Variants in CENPI observed in about 807,000 individuals in gnomAD.
The protein encoded by CENPI is centromere protein I.
In CENPI, 4 loss-of-function variants were observed where a neutral mutation model predicts 60.4. The observed-to-expected ratio is 0.07, with a 90% confidence interval of 0.03 to 0.15. The LOEUF (loss-of-function observed/expected upper bound fraction) is 0.15. Ranked by LOEUF, CENPI falls within the 10% of genes least tolerant of loss-of-function variation. The pLI is 1.00. For synonymous variants in CENPI, 157 were observed against 189.4 expected, an observed-to-expected ratio of 0.83 and a Z score of 1.40; for missense variants, 444 against 534.5, an observed-to-expected ratio of 0.83 and a Z score of 1.67.
At chrX:101,120,275 T>C in intron 6 of CENPI, 127 bp from the exon 7 acceptor site, 1 of 364,084 alleles carries the variant, frequency 2.7e-6, no homozygotes, top group Admixed American at 5.3e-5. Context: ...TTTGTAAAAC[T>C]ATTGTTCAGT....
Position 101,101,238 on chromosome X carries a change from T to C in CENPI, c.168T>C (p.His56=), listed in dbSNP as rs1377930921. ...ACAATCCAGTGGGAGATTATGAACATGCTGATGATCAAGCTGAAGAAGATG... is the reference window on the plus strand; with the variant it reads ...ACAATCCAGTGGGAGATTATGAACACGCTGATGATCAAGCTGAAGAAGATG... The part of the protein sequence containing the change: ...GQNNPVGDYE[H]ADDQAEEDAL... The change falls in exon 3 of 22, where the codon CAT becomes CAC. Residue 56 remains histidine, a synonymous_variant. Coordinates refer to ENST00000682095, the MANE Select transcript of CENPI (RefSeq NM_001386188.2). 2.5e-6 allele frequency: 3 copies of C among 1,208,520 alleles called. No individual in the cohort carries two copies. The highest frequency in any genetic ancestry group is 3.5e-5 in the African/African-American group (2 of 57,177).
Position 101,137,762 on chromosome X carries a change from G to A in CENPI, c.1471-2904G>A, listed in dbSNP as rs139257580. On this transcript the variant is annotated intron_variant, in intron 15 of 21. Transcript: ENST00000682095. The stretch of plus-strand genomic sequence containing the variant: ...TTTGAAGGATTGTTACATGAAAGGA[G>A]ATCTCTGTGTGGCTTCAAGAAACAG... Among the ~76,000 whole-genome samples the A allele has an allele frequency of 2.6e-3, 279 of 105,756 alleles. 1 individual carries two copies. Among genetic ancestry groups the A allele is most frequent in the African/African-American group, 9.2e-3 (268 of 28,982 alleles). 91.8% of individuals were successfully genotyped at this position (105,756 alleles called of 115,157 possible).
chrX:101,167,838 A>G (rs2090148116), downstream of CENPI, among the ~76,000 whole-genome samples: 1 of 112,234 alleles, frequency 8.9e-6, no homozygotes, highest in Admixed American at 9.5e-5. Flanking sequence ...CAGAAGAGCT[A>G]TTGTTATGGA....
At chrX:101,101,346 T>C (rs774067057) in intron 3 of CENPI, 50 bp downstream of exon 3, 2 of 910,966 alleles carry the variant, frequency 2.2e-6, no homozygotes, top group Non-Finnish European at 3.1e-6. Flanking sequence ...GTAAAAATAT[T>C]CTAGTCTTTT....
chrX:101,180,967 AT>A, the CENPI span, among the ~76,000 whole-genome samples: 1 of 111,467 alleles, frequency 9.0e-6, no homozygotes, highest in Non-Finnish European at 1.9e-5. Flanking sequence ...GATCAAGCTA[AT>A]TTTTAATATG....
the CENPI span, among the ~76,000 whole-genome samples, chrX:101,178,199 G>T: frequency 1.8e-5 from 2 of 110,577 alleles, no homozygotes; most frequent in Admixed American, 1.9e-4. Flanking sequence ...GTAGCAGGCT[G>T]CTTCGCATCC....
At chrX:101,101,444 G>A in intron 3 of CENPI, 148 bp downstream of exon 3, 1 of 448,544 alleles carries the variant, frequency 2.2e-6, no homozygotes, top group East Asian at 3.7e-5. Context: ...CTATATATCA[G>A]TATGCTAGGC....
intron 6 of CENPI, among the ~76,000 whole-genome samples, chrX:101,110,219 G>T (rs1465202630): frequency 8.9e-6 from 1 of 112,156 alleles, no homozygotes; most frequent in African/African-American, 3.2e-5. Flanking sequence ...TTAACAAATA[G>T]AAAATTTTTA....
At chrX:101,120,589 C>A in intron 7 of CENPI, 139 bp downstream of exon 7, 2 of 616,466 alleles carry the variant, frequency 3.2e-6, no homozygotes, top group Non-Finnish European at 5.2e-6. Context: ...ACTTTAAGAG[C>A]ATCTGCTTAA....
chrX:101,155,236 C>T (rs1284749754), intron 20 of CENPI, among the ~76,000 whole-genome samples: 1 of 111,442 alleles, frequency 9.0e-6, no homozygotes, highest in Non-Finnish European at 1.9e-5. Context: ...CTTGCCCAGG[C>T]TGGAGTGCAG....
At chrX:101,166,863 G>A (rs928152231), downstream of CENPI, among the ~76,000 whole-genome samples, 3 of 112,014 alleles carry the variant, frequency 2.7e-5, no homozygotes, top group Admixed American at 9.5e-5. Context: ...TGGTTCAAGC[G>A]ATTCTCCTGC....
chrX:101,180,818 G>C, the CENPI span, among the ~76,000 whole-genome samples: 4 of 111,465 alleles, frequency 3.6e-5, no homozygotes, highest in Non-Finnish European at 1.9e-5. Context: ...CCAAACTGGA[G>C]TGCAGTGATG....
intron 15 of CENPI, among the ~76,000 whole-genome samples, chrX:101,137,429 C>T (rs765524872): frequency 1.8e-5 from 2 of 111,065 alleles, no homozygotes; most frequent in African/African-American, 6.5e-5. Context: ...GCTTAAATAA[C>T]AAGAGTCTAG....
rs1489169719 is a variant in CENPI at position 101,162,367 on chromosome X, T to C, written c.2137-466T>C. 2.9e-5 allele frequency among the ~76,000 whole-genome samples: 3 copies of C among 104,860 alleles called. No homozygotes were observed. The East Asian group carries it at 8.9e-4, about 31-fold the overall frequency. The allele number at this position is 104,860 out of a possible 115,157, so 91.1% of individuals were successfully genotyped here. ...TACTTGGGAGGCTGAGGCAGGAGGA[T>C]TGCTTGAGGCTGGGAAGTCGAGGCT... On this transcript the variant is annotated intron_variant, in intron 21 of 21. Transcript: ENST00000682095.
At chrX:101,174,816 T>A in the CENPI span, among the ~76,000 whole-genome samples, 1 of 111,318 alleles carries the variant, frequency 9.0e-6, no homozygotes, top group Non-Finnish European at 1.9e-5. Context: ...AAATAAAAGT[T>A]GAAATTTTAG....
At chrX:101,107,928 T>A (rs1382930613) in intron 4 of CENPI, among the ~76,000 whole-genome samples, 3 of 106,877 alleles carry the variant, frequency 2.8e-5, no homozygotes, top group Non-Finnish European at 3.9e-5. Context: ...AATTTTGTAT[T>A]TTTTTTATTA....
At chrX:101,175,385 C>T in the CENPI span, among the ~76,000 whole-genome samples, 1 of 111,859 alleles carries the variant, frequency 8.9e-6, no homozygotes, top group East Asian at 2.8e-4. Flanking sequence ...AATTTTGCCT[C>T]GCAACTTAGC....
intron 2 of CENPI, among the ~76,000 whole-genome samples, chrX:101,099,007 C>T (rs370485637): frequency 1.1e-4 from 12 of 111,919 alleles, no homozygotes; most frequent in African/African-American, 3.6e-4. Context: ...CATTCCACTC[C>T]CTCCAGACTG....
Position 101,146,344 on chromosome X carries a change from A to G in CENPI, c.1826+67A>G, listed in dbSNP as rs2089961543. On this transcript the variant is annotated intron_variant, in intron 18 of 21. Coordinates refer to ENST00000682095, the MANE Select transcript of CENPI (RefSeq NM_001386188.2). ...ATTCTCTCTTCCTCTTTCAGCTATA[A>G]TACAATAAATATTCCTACTCGTCTT... 4.0e-6 allele frequency: 4 copies of G among 1,000,354 alleles called. No homozygotes were observed. In the East Asian group the frequency reaches 1.3e-4, roughly 33 times the overall value. The allele number at this position is 1,000,354 out of a possible 1,213,427, so 82.4% of individuals were successfully genotyped here.
Sources: gnomAD v4.1 joint callset for allele counts (sites outside exome capture counted in the v4.1 genomes callset) on GRCh38, gnomAD v4.1.1 for gene constraint, MANE v1.5 for transcripts, NCBI Gene and HGNC (gene_info 2026-07-23, HGNC 2026-07-21) for gene names.